TTC7B: variants seen among roughly 807,000 people sequenced by gnomAD.
TTC7B encodes tetratricopeptide repeat protein 7B.
A neutral mutation model predicts 106.8 loss-of-function variants in TTC7B; 28 were observed. That is an observed-to-expected ratio of 0.26 (90% CI 0.19 to 0.36). TTC7B has a LOEUF of 0.36. Among genes scored for constraint, TTC7B ranks in the 10% least tolerant of loss-of-function variants. The pLI, the probability that TTC7B is intolerant of heterozygous loss-of-function variation, is 1.00. For missense variants in TTC7B, 862 were observed against 1,076.4 expected (o/e 0.80, Z 2.79); for synonymous variants, 405 against 430.6 (o/e 0.94, Z 0.74).
chr14:90,647,143 G>T, intron 13 of TTC7B, 120 bp from the exon 14 acceptor site: 1 of 786,884 alleles, frequency 1.3e-6, no homozygotes, highest in Non-Finnish European at 2.2e-6. Context: ...ATTTAACTAT[G>T]TAATGCTTCA....
chr14:90,618,372 C>T (rs1315591357), intron 15 of TTC7B, among the ~76,000 whole-genome samples: 6 of 152,224 alleles, frequency 3.9e-5, no homozygotes, highest in Non-Finnish European at 7.3e-5. Flanking sequence ...TTTGTGAAAC[C>T]TCAAAAACTC....
At position 90,575,062 on chromosome 14, in the gene TTC7B, C is replaced by T. The variant is rs1891204740; in HGVS notation, c.2310+3044G>A. On this transcript the variant is annotated intron_variant, in intron 19 of 19. Transcript: ENST00000328459. The surrounding 1 kb of genome is among the most constrained non-coding windows in gnomAD (Gnocchi z 5.2). ...TGTCAACGCTCAGCTCTGTTTCCGC[C>T]ACTCTCCGCCACACAGGTCGGGGCC... 1.3e-5 allele frequency among the ~76,000 whole-genome samples: 2 copies of T among 152,208 alleles called. No individual in the cohort carries two copies. The highest frequency in any genetic ancestry group is 2.9e-5 in the Non-Finnish European group (2 of 68,044).
chr14:90,549,502 T>C (rs1182350021), intron 19 of TTC7B, among the ~76,000 whole-genome samples: 1 of 152,210 alleles, frequency 6.6e-6, no homozygotes, highest in Non-Finnish European at 1.5e-5. Context: ...AGAGCTGCAG[T>C]TGTGCTGGCC....
chr14:90,712,734 CT>C (rs138131556), intron 5 of TTC7B, among the ~76,000 whole-genome samples: 4 of 149,058 alleles, frequency 2.7e-5, no homozygotes, highest in Non-Finnish European at 4.5e-5. Context: ...CGCTGGCAGG[CT>C]TTTTTTTTTC....
chr14:90,694,677 A>ATTTTTATTTTATTATAAAATAT (rs1887614904), intron 6 of TTC7B, among the ~76,000 whole-genome samples: 7 of 97,788 alleles, frequency 7.2e-5, no homozygotes, highest in African/African-American at 2.6e-4. Context: ...ATATATGTAT[A>ATTTTTATTTTATTATAAAATAT]TTTTTATTTT....
At chr14:90,664,373 G>T (rs1161797097) in intron 9 of TTC7B, among the ~76,000 whole-genome samples, 1 of 152,126 alleles carries the variant, frequency 6.6e-6, no homozygotes, top group African/African-American at 2.4e-5. Flanking sequence ...GGGATCAAGC[G>T]ATTCGCCTGC....
chr14:90,650,678 T>C (rs1885679576), intron 13 of TTC7B, among the ~76,000 whole-genome samples: 1 of 152,222 alleles, frequency 6.6e-6, no homozygotes, highest in South Asian at 2.1e-4. Flanking sequence ...AAAGGTGCTC[T>C]CAACTGTTTT....
intron 9 of TTC7B, among the ~76,000 whole-genome samples, chr14:90,671,951 G>A (rs1485848765): frequency 6.6e-6 from 1 of 152,208 alleles, no homozygotes; most frequent in East Asian, 1.9e-4. Context: ...TGTGAGCACA[G>A]TTATTAAAAG....
At chr14:90,743,081 A>G (rs1230185159) in intron 4 of TTC7B, among the ~76,000 whole-genome samples, 1 of 152,250 alleles carries the variant, frequency 6.6e-6, no homozygotes, top group Non-Finnish European at 1.5e-5. Context: ...CTGGATGATC[A>G]TTCCTTTAAA....
At chr14:90,715,340 C>T (rs1044487336) in intron 5 of TTC7B, among the ~76,000 whole-genome samples, 1 of 152,102 alleles carries the variant, frequency 6.6e-6, no homozygotes, top group Non-Finnish European at 1.5e-5. Flanking sequence ...TCTTTTTTTA[C>T]GTGGATATAG....
intron 19 of TTC7B, among the ~76,000 whole-genome samples, chr14:90,546,770 T>C (rs377664999): frequency 6.0e-4 from 92 of 152,298 alleles, no homozygotes; most frequent in Non-Finnish European, 1.0e-3. Flanking sequence ...CACCGAGTGA[T>C]TGCTTGGTGC....
At chr14:90,784,971 G>A (rs1294080843) in intron 2 of TTC7B, among the ~76,000 whole-genome samples, 1 of 152,162 alleles carries the variant, frequency 6.6e-6, no homozygotes, top group African/African-American at 2.4e-5. Flanking sequence ...TTACTCAAAG[G>A]TTGCCCAGGC....
chr14:90,756,839 G>A (rs1481146451), intron 3 of TTC7B, among the ~76,000 whole-genome samples: 1 of 81,894 alleles, frequency 1.2e-5, no homozygotes, highest in African/African-American at 7.1e-5. Flanking sequence ...GTCCCTGCTT[G>A]CTTCCAAAAA....
intron 15 of TTC7B, among the ~76,000 whole-genome samples, chr14:90,621,340 C>T (rs1273835707): frequency 1.4e-5 from 2 of 147,564 alleles, no homozygotes; most frequent in Admixed American, 6.7e-5. Context: ...GCAGAGGCCA[C>T]GCGGGTACGG....
chr14:90,573,611 C>T (rs576024393), intron 19 of TTC7B, among the ~76,000 whole-genome samples: 53 of 150,150 alleles, frequency 3.5e-4, no homozygotes, highest in Non-Finnish European at 6.2e-4. Context: ...TCTCAGCTCA[C>T]GGTCCCTCTC....
At chr14:90,586,261 T>C (rs1407136467) in intron 18 of TTC7B, among the ~76,000 whole-genome samples, 1 of 152,206 alleles carries the variant, frequency 6.6e-6, no homozygotes, top group Non-Finnish European at 1.5e-5. Context: ...GCTCTTCCTC[T>C]GCTCCTCAAT....
rs991169905 is a variant in TTC7B at position 90,802,200 on chromosome 14, G to C, written c.121+13975C>G. 6.6e-6 allele frequency among the ~76,000 whole-genome samples: 1 copy of C among 152,176 alleles called. No individual in the cohort carries two copies. Among genetic ancestry groups the C allele is most frequent in the African/African-American group, 2.4e-5 (1 of 41,456 alleles). On this transcript the variant is annotated intron_variant, in intron 1 of 19. Transcript: ENST00000328459. This position sits in a 1 kb window ranked among gnomAD's most constrained non-coding sequence, Gnocchi z 4.7. ...GACGTGAGGCATCTCAGGGGACTGCGGGGTACAAGCCTAACTCACTGGACT... is the reference window on the plus strand; with the variant it reads ...GACGTGAGGCATCTCAGGGGACTGCCGGGTACAAGCCTAACTCACTGGACT...
chr14:90,596,896 C>T (rs1892228936), intron 17 of TTC7B, among the ~76,000 whole-genome samples: 1 of 152,076 alleles, frequency 6.6e-6, no homozygotes, highest in African/African-American at 2.4e-5. Flanking sequence ...AGGGCGGCCC[C>T]CTCTCTGGAT....
At chr14:90,750,998 A>G (rs1465444811) in intron 3 of TTC7B, among the ~76,000 whole-genome samples, 2 of 152,252 alleles carry the variant, frequency 1.3e-5, no homozygotes, top group Non-Finnish European at 2.9e-5. Context: ...GTCATGGACA[A>G]AATTGGTCCC....
Sources: gnomAD v4.1 joint callset for allele counts (sites outside exome capture counted in the v4.1 genomes callset) on GRCh38, gnomAD v4.1.1 for gene constraint, Gnocchi (gnomAD v3.1) non-coding constraint, MANE v1.5 for transcripts, NCBI Gene and HGNC (gene_info 2026-07-23, HGNC 2026-07-21) for gene names.